The following WARS2 variants were observed in gnomAD, a reference collection of about 807,000 sequenced individuals.
WARS2 encodes the protein tryptophan--tRNA ligase, mitochondrial.
Under a neutral mutation model 36.5 loss-of-function variants are expected in WARS2, and 28 were observed. The ratio of observed to expected loss-of-function variants is 0.77; its 90% confidence interval spans 0.57 to 1.05. The LOEUF (loss-of-function observed/expected upper bound fraction) is 1.05. Among genes scored for constraint, WARS2 ranks in the 50% least tolerant of loss-of-function variants. The probability of loss-of-function intolerance (pLI) is 0.00; values close to 1 mark genes in which losing one functional copy is unlikely to be tolerated. For missense variants in WARS2, 435 were observed against 456.8 expected (o/e 0.95, Z 0.44); for synonymous variants, 174 against 178.4 (o/e 0.98, Z 0.20).
At chr1:119,107,671 AAG>A (rs61528583) in intron 1 of WARS2, among the ~76,000 whole-genome samples, 89 of 149,728 alleles carry the variant, frequency 5.9e-4, no homozygotes, top group South Asian at 3.0e-3. Flanking sequence ...TAGAAAAAGA[AAG>A]AGAGAGAGAG....
At chr1:119,092,152 C>T (rs1291384809) in intron 1 of WARS2, among the ~76,000 whole-genome samples, 1 of 152,150 alleles carries the variant, frequency 6.6e-6, no homozygotes, top group Admixed American at 6.5e-5. Context: ...CGGCTGGGTA[C>T]AAACTTAGGA....
At chr1:119,139,536 A>T (rs1427523353) in intron 1 of WARS2, 1 of 152,286 alleles carries the variant, frequency 6.6e-6, no homozygotes, top group East Asian at 1.9e-4. Flanking sequence ...GAAAAGTCCC[A>T]GAGAGATTGT....
chr1:119,036,275 C>T (rs535030464), intron 4 of WARS2, among the ~76,000 whole-genome samples: 4 of 152,072 alleles, frequency 2.6e-5, no homozygotes, highest in South Asian at 2.1e-4. Context: ...ACTATTAGGG[C>T]CATAGCCATT....
chr1:119,108,548 G>C (rs190229887), intron 1 of WARS2, among the ~76,000 whole-genome samples: 12 of 61,794 alleles, frequency 1.9e-4, no homozygotes, highest in Admixed American at 7.6e-4. Context: ...TTTCATTTAT[G>C]ATATAAGTAA....
chr1:119,105,269 C>T (rs928086316), intron 1 of WARS2, among the ~76,000 whole-genome samples: 3 of 152,138 alleles, frequency 2.0e-5, no homozygotes, highest in Non-Finnish European at 4.4e-5. Context: ...TGTGATGGGA[C>T]TAAATGGAAA....
At chr1:119,139,208 G>T (rs954392465) in intron 1 of WARS2, among the ~76,000 whole-genome samples, 4 of 152,156 alleles carry the variant, frequency 2.6e-5, no homozygotes, top group Admixed American at 1.3e-4. Context: ...ATTTTGAATT[G>T]TCTTACCTAA....
chr1:119,097,711 T>C (rs1017169885), intron 1 of WARS2, among the ~76,000 whole-genome samples: 4 of 152,072 alleles, frequency 2.6e-5, no homozygotes, highest in African/African-American at 9.7e-5. Context: ...GCCAGTGAAA[T>C]CCTCGAGGGA....
In WARS2 at chr1:119,076,627, G is replaced by A; in HGVS notation, c.91-20C>T. ...GTCTTTCTGGAACAAAGGAAAACAA[G>A]CATATTTGCTTTTGAGGCAGAATCC... is the stretch of plus-strand genomic sequence containing the variant. On this transcript the variant is annotated intron_variant, in intron 1 of 5. Coordinates refer to ENST00000235521, the MANE Select transcript of WARS2 (RefSeq NM_015836.4). 6.2e-7 allele frequency: 1 copy of A among 1,613,078 alleles called. No individual in the cohort carries two copies. The highest frequency in any genetic ancestry group is 8.5e-7 in the Non-Finnish European group (1 of 1,179,530).
Position 119,085,048 on chromosome 1 carries a change from G to T in WARS2, c.91-8441C>A, listed in dbSNP as rs587725589. Reference sequence around the variant, plus strand: ...TTCAAAGACTCCTGCTCCCGGCAGCGCTGGGTCCTTTTATGCCTATGGGAT... The same window carrying T: ...TTCAAAGACTCCTGCTCCCGGCAGCTCTGGGTCCTTTTATGCCTATGGGAT... On this transcript the variant is annotated intron_variant, in intron 1 of 5. Transcript: ENST00000235521. The T allele has an allele frequency of 5.9e-5, 41 of 690,052 alleles. 1 individual carries two copies. In the South Asian group the frequency reaches 6.4e-4, roughly 11 times the overall value. The allele number at this position is 690,052 out of a possible 1,614,324, so 42.7% of individuals were successfully genotyped here. A position where few individuals can be genotyped will look rare whatever the true frequency, so the allele number is the denominator to read the frequency against.
intron 1 of WARS2, among the ~76,000 whole-genome samples, chr1:119,108,862 T>A (rs1654422322): frequency 6.6e-6 from 1 of 152,000 alleles, no homozygotes; most frequent in Non-Finnish European, 1.5e-5. Context: ...ATGCTATAAT[T>A]TTCCCTCTAA....
chr1:119,057,850 G>A (rs1649971185), intron 2 of WARS2, among the ~76,000 whole-genome samples: 1 of 152,026 alleles, frequency 6.6e-6, no homozygotes, highest in Admixed American at 6.6e-5. Flanking sequence ...TTTTTATACA[G>A]CTGGATAAAA....
Position 119,140,450 on chromosome 1 carries a change from G to A in WARS2, c.90+105C>T, listed in dbSNP as rs1656877021. On this transcript the variant is annotated intron_variant, in intron 1 of 5. Coordinates refer to ENST00000235521, the MANE Select transcript of WARS2 (RefSeq NM_015836.4). ...GTAGACCTTAGGCGAGGGAAGGCAT[G>A]TACTTTCCCTAAGAAGCGGGAGGAG... 9.6e-6 allele frequency: 10 copies of A among 1,044,714 alleles called. No homozygotes were observed. In the Admixed American group the frequency reaches 2.3e-4, roughly 24 times the overall value. 64.7% of individuals were successfully genotyped at this position (1,044,714 alleles called of 1,614,324 possible).
In WARS2 at chr1:119,051,949, G is replaced by A. The variant is rs940729406; in HGVS notation, c.349-6287C>T. ...TAATTTTTGTATTTTTAGTAGAGAC[G>A]GGGTTTCACCATATCGGCCAGGCTG... On this transcript the variant is annotated intron_variant, in intron 2 of 5. Transcript: ENST00000235521. Among the ~76,000 whole-genome samples the A allele has an allele frequency of 5.9e-5, 9 of 151,506 alleles. 1 individual carries two copies. Among genetic ancestry groups the A allele is most frequent in the Admixed American group, 2.0e-4 (3 of 15,170 alleles).
At chr1:119,135,506 C>T (rs1378875963) in intron 1 of WARS2, among the ~76,000 whole-genome samples, 2 of 152,202 alleles carry the variant, frequency 1.3e-5, no homozygotes, top group African/African-American at 2.4e-5. Flanking sequence ...TATTTACTTA[C>T]TCTGTGACTT....
chr1:119,090,220 A>G (rs943081614), intron 1 of WARS2, among the ~76,000 whole-genome samples: 1 of 152,186 alleles, frequency 6.6e-6, no homozygotes, highest in African/African-American at 2.4e-5. Flanking sequence ...ATGAAATACT[A>G]TGGAATAGAT....
At chr1:119,092,181 A>T (rs937669293) in intron 1 of WARS2, among the ~76,000 whole-genome samples, 24 of 152,294 alleles carry the variant, frequency 1.6e-4, no homozygotes, top group African/African-American at 5.5e-4. Flanking sequence ...ACTTTCTCTG[A>T]CTGACCAAAA....
chr1:119,087,776 A>C (rs1160310552), intron 1 of WARS2, among the ~76,000 whole-genome samples: 2 of 152,242 alleles, frequency 1.3e-5, no homozygotes, highest in African/African-American at 4.8e-5. Flanking sequence ...ATCCTCATGC[A>C]TTAATTGCCT....
chr1:119,070,054 C>T (rs1651173887), intron 2 of WARS2, among the ~76,000 whole-genome samples: 1 of 152,138 alleles, frequency 6.6e-6, no homozygotes, highest in Non-Finnish European at 1.5e-5. Flanking sequence ...TGACCTTAGG[C>T]AGCTAATGAA....
At chr1:119,136,826 G>A (rs1656543943) in intron 1 of WARS2, among the ~76,000 whole-genome samples, 2 of 152,178 alleles carry the variant, frequency 1.3e-5, no homozygotes, top group South Asian at 4.1e-4. Context: ...CTTAACCAAA[G>A]ACTATTTCTT....
Sources: gnomAD v4.1 joint callset for allele counts (sites outside exome capture counted in the v4.1 genomes callset) on GRCh38, gnomAD v4.1.1 for gene constraint, MANE v1.5 for transcripts, NCBI Gene and HGNC (gene_info 2026-07-23, HGNC 2026-07-21) for gene names.